Variants in LRP1B observed in about 807,000 individuals in gnomAD.
The protein encoded by LRP1B is low-density lipoprotein receptor-related protein 1B.
Under a neutral mutation model 556.6 loss-of-function variants are expected in LRP1B, and 217 were observed. The observed-to-expected ratio is 0.39, with a 90% confidence interval of 0.35 to 0.44. The LOEUF (loss-of-function observed/expected upper bound fraction) is 0.44. LRP1B is among the 20% of genes least tolerant of loss of function. The pLI, the probability that LRP1B is intolerant of heterozygous loss-of-function variation, is 1.00. For missense variants in LRP1B, 5,053 were observed against 5,620.8 expected (o/e 0.90, Z 3.23); for synonymous variants, 2,047 against 1,865.8 (o/e 1.10, Z -2.50).
chr2:140,474,207 A>C (rs1687875102), intron 60 of LRP1B, among the ~76,000 whole-genome samples: 1 of 151,938 alleles, frequency 6.6e-6, no homozygotes, highest in Admixed American at 6.6e-5. Flanking sequence ...AAGTGGTGTA[A>C]CTTTGGTACC....
chr2:141,933,310 G>A (rs1700553238), intron 1 of LRP1B, among the ~76,000 whole-genome samples: 1 of 152,020 alleles, frequency 6.6e-6, no homozygotes, highest in African/African-American at 2.4e-5. Context: ...ATAACAGCTG[G>A]TAAGACAGTT....
chr2:141,894,692 A>G lies in LRP1B; in HGVS notation c.83-84291T>C, dbSNP rs373343634. Among the ~76,000 whole-genome samples, 28 of 148,330 alleles carry G rather than the reference A, an allele frequency of 1.9e-4. No individual in the cohort carries two copies. In the East Asian group the frequency reaches 4.3e-3, roughly 23 times the overall value. ...AGATCTAGATCTAGATCTAGATCGA[A>G]TTTAGGTGGTCAAGGATGCTAACAA... On this transcript the variant is annotated intron_variant, in intron 1 of 90. Transcript: ENST00000389484.
At chr2:140,798,125 T>A (rs770715289) in intron 32 of LRP1B, among the ~76,000 whole-genome samples, 1 of 152,114 alleles carries the variant, frequency 6.6e-6, no homozygotes, top group Non-Finnish European at 1.5e-5. Context: ...TATATGCTAT[T>A]TTCCCCCACT....
chr2:140,749,829 G>C (rs888848002), intron 35 of LRP1B, among the ~76,000 whole-genome samples: 4 of 152,074 alleles, frequency 2.6e-5, no homozygotes, highest in African/African-American at 4.8e-5. Flanking sequence ...CTATTGTCAA[G>C]TATTATATAC....
chr2:140,707,601 GT>G (rs1185373930), intron 37 of LRP1B, among the ~76,000 whole-genome samples: 1 of 152,046 alleles, frequency 6.6e-6, no homozygotes, highest in East Asian at 1.9e-4. Flanking sequence ...CAGATCATAA[GT>G]AAAATAAGAT....
chr2:141,059,684 GTTTCT>G (rs766045321), intron 8 of LRP1B, among the ~76,000 whole-genome samples: 16 of 151,738 alleles, frequency 1.1e-4, no homozygotes, highest in Non-Finnish European at 2.2e-4. Context: ...AAATAGAACA[GTTTCT>G]TTTGAGAATT....
At chr2:141,909,524 ACATTTTTTTTTTTTTTTTTTTTT>A (rs1210512347) in intron 1 of LRP1B, among the ~76,000 whole-genome samples, 1 of 104,486 alleles carries the variant, frequency 9.6e-6, no homozygotes, top group Non-Finnish European at 1.9e-5. Context: ...AAGGTCTCAG[ACATTTTTTTTTTTTTTTTTTTTT>A]TTTTTTTTTT....
At chr2:141,592,119 C>G (rs1687361757) in intron 2 of LRP1B, among the ~76,000 whole-genome samples, 1 of 152,116 alleles carries the variant, frequency 6.6e-6, no homozygotes, top group Non-Finnish European at 1.5e-5. Flanking sequence ...CTGTGTTGCT[C>G]TCTTTCTCCC....
intron 9 of LRP1B, 65 bp downstream of exon 9, chr2:141,058,818 G>C (rs181642901): frequency 7.4e-7 from 1 of 1,348,614 alleles, no homozygotes; most frequent in African/African-American, 1.5e-5. Flanking sequence ...CCATACAAAA[G>C]CACAAGGACT....
At chr2:141,653,304 G>A (rs1470571847) in intron 2 of LRP1B, among the ~76,000 whole-genome samples, 2 of 152,168 alleles carry the variant, frequency 1.3e-5, no homozygotes, top group East Asian at 3.9e-4. Flanking sequence ...AGATCATCGT[G>A]TGGAGAGTTC....
intron 1 of LRP1B, among the ~76,000 whole-genome samples, chr2:142,092,584 T>C (rs1706213233): frequency 6.6e-6 from 1 of 152,038 alleles, no homozygotes; most frequent in South Asian, 2.1e-4. Flanking sequence ...ATTAAAAGTA[T>C]TGCGATCTGA....
At chr2:140,923,192 G>C (rs1335506122) in intron 20 of LRP1B, 45 bp from the exon 21 acceptor site, 4 of 1,427,754 alleles carry the variant, frequency 2.8e-6, no homozygotes, top group Non-Finnish European at 3.9e-6. Context: ...GGGCAAGACA[G>C]GAGAGAAATT....
At chr2:140,872,072 A>T (rs1222686542) in intron 25 of LRP1B, among the ~76,000 whole-genome samples, 5 of 102,348 alleles carry the variant, frequency 4.9e-5, no homozygotes, top group South Asian at 3.2e-4. Flanking sequence ...TTTCTCTCCT[A>T]GGACCTTGTA....
intron 3 of LRP1B, among the ~76,000 whole-genome samples, chr2:141,389,696 A>G (rs1689975602): frequency 6.6e-6 from 1 of 152,244 alleles, no homozygotes; most frequent in African/African-American, 2.4e-5. Flanking sequence ...GCGAAAAAGC[A>G]ATCTACAGAA....
rs776159538 is a variant in LRP1B, at chr2:140,601,534, C to T, written c.6905G>A (p.Arg2302Gln). 9.9e-6 allele frequency: 16 copies of T among 1,612,938 alleles called. No homozygotes were observed. The highest frequency in any genetic ancestry group is 4.5e-5 in the East Asian group (2 of 44,874). The change falls in exon 42 of 91, where the codon CGG becomes CAG. Residue 2302 changes from arginine to glutamine, a missense_variant. Arg to Gln is a conservative substitution (Grantham distance 43). Transcript: ENST00000389484. ...AGCTTCCCTGTCAAATGCTCCAGGCCGAGTCTGGTCCACAGTGTGTCTGGT... is the reference window on the plus strand; with the variant it reads ...AGCTTCCCTGTCAAATGCTCCAGGCTGAGTCTGGTCCACAGTGTGTCTGGT... ...SITRHTVDQT[R>Q]PGAFDREAVI...
intron 2 of LRP1B, among the ~76,000 whole-genome samples, chr2:141,809,815 A>G (rs977272067): frequency 3.3e-5 from 5 of 151,990 alleles, no homozygotes; most frequent in African/African-American, 1.2e-4. Flanking sequence ...TATAAATAAC[A>G]TGGGAACTAA....
chr2:141,419,546 T>C (rs543147661), intron 3 of LRP1B, among the ~76,000 whole-genome samples: 19 of 152,268 alleles, frequency 1.2e-4, no homozygotes, highest in African/African-American at 4.3e-4. Context: ...TTTTCTAAGA[T>C]ACCCAATTTG....
chr2:140,533,413 G>A (rs1574049941), intron 47 of LRP1B, among the ~76,000 whole-genome samples: 1 of 152,186 alleles, frequency 6.6e-6, no homozygotes, highest in South Asian at 2.1e-4. Context: ...TTCTAACTCA[G>A]GTAGTTTGGC....
chr2:141,086,853 G>T (rs147562739), intron 7 of LRP1B, among the ~76,000 whole-genome samples: 62 of 152,192 alleles, frequency 4.1e-4, no homozygotes, highest in Middle Eastern at 3.4e-3. Context: ...AAGCAGGATG[G>T]TATCAAACAT....
Sources: gnomAD v4.1 joint callset for allele counts (sites outside exome capture counted in the v4.1 genomes callset) on GRCh38, gnomAD v4.1.1 for gene constraint, MANE v1.5 for transcripts, NCBI Gene and HGNC (gene_info 2026-07-23, HGNC 2026-07-21) for gene names.